The following AKAP19 variants were observed in gnomAD, a reference collection of about 807,000 sequenced individuals.
AKAP19 encodes the protein small A-kinase anchoring protein.
the AKAP19 span, chr2:190,057,415 G>A: frequency 1.2e-6 from 2 of 1,613,468 alleles, no homozygotes; most frequent in Non-Finnish European, 8.5e-7. Context: ...TACCAGATGA[G>A]TATGAGGATA....
At chr2:189,883,950 G>GT in the AKAP19 span, among the ~76,000 whole-genome samples, 7 of 152,070 alleles carry the variant, frequency 4.6e-5, no homozygotes, top group East Asian at 1.9e-4. Flanking sequence ...AAATTAAATA[G>GT]TTTTTTAATT....
the AKAP19 span, among the ~76,000 whole-genome samples, chr2:190,103,190 T>G: frequency 2.6e-5 from 4 of 152,032 alleles, no homozygotes; most frequent in Non-Finnish European, 5.9e-5. Context: ...GGAACATATC[T>G]CAAGATAATA....
At chr2:189,930,314 G>T in the AKAP19 span, 2 of 648,282 alleles carry the variant, frequency 3.1e-6, no homozygotes, top group Non-Finnish European at 4.6e-6. Flanking sequence ...CTCCATGGAG[G>T]AGGGGCACGT....
At chr2:189,937,947 A>G in the AKAP19 span, among the ~76,000 whole-genome samples, 5 of 152,224 alleles carry the variant, frequency 3.3e-5, no homozygotes, top group African/African-American at 1.2e-4. Context: ...TACTGAAGAG[A>G]TACCTGCATT....
At chr2:190,200,155 A>G in the AKAP19 span, 126 of 1,611,750 alleles carry the variant, frequency 7.8e-5, no homozygotes, top group Non-Finnish European at 1.0e-4. Context: ...TTGAGGCTGT[A>G]GGATGACAAC....
chr2:190,096,835 T>C, the AKAP19 span, among the ~76,000 whole-genome samples: 3 of 152,156 alleles, frequency 2.0e-5, no homozygotes, highest in Non-Finnish European at 4.4e-5. Context: ...GTTCCATCTA[T>C]GTCATCTTCT....
At chr2:189,903,790 C>G in the AKAP19 span, among the ~76,000 whole-genome samples, 3 of 151,912 alleles carry the variant, frequency 2.0e-5, no homozygotes, top group Non-Finnish European at 4.4e-5. Flanking sequence ...CATGTTCCCC[C>G]ACTACTTCCC....
the AKAP19 span, among the ~76,000 whole-genome samples, chr2:190,112,893 A>G: frequency 2.6e-5 from 4 of 152,130 alleles, no homozygotes; most frequent in South Asian, 2.1e-4. Context: ...CTAATGGGGA[A>G]CACTGTAAAA....
the AKAP19 span, among the ~76,000 whole-genome samples, chr2:189,944,980 T>G: frequency 6.6e-6 from 1 of 152,132 alleles, no homozygotes; most frequent in African/African-American, 2.4e-5. Flanking sequence ...TTAAACAATA[T>G]GCTCCTAAAT....
chr2:190,065,222 G>A, the AKAP19 span, among the ~76,000 whole-genome samples: 1 of 152,028 alleles, frequency 6.6e-6, no homozygotes, highest in Non-Finnish European at 1.5e-5. Context: ...CGTGCTGCGT[G>A]GTGTTCCTAT....
At chr2:190,125,106 G>A in the AKAP19 span, among the ~76,000 whole-genome samples, 444 of 152,088 alleles carry the variant, frequency 2.9e-3, 2 homozygotes, top group Non-Finnish European at 4.6e-3. Flanking sequence ...TACAATTAAC[G>A]TCTTTTTTTT....
the AKAP19 span, chr2:190,203,410 G>A: frequency 1.2e-5 from 2 of 166,964 alleles, no homozygotes; most frequent in South Asian, 4.2e-4. Flanking sequence ...GCTATGAAGT[G>A]GTATATTTTT....
chr2:190,184,675 A>G, the AKAP19 span, among the ~76,000 whole-genome samples: 2 of 152,162 alleles, frequency 1.3e-5, no homozygotes, highest in Admixed American at 6.5e-5. Context: ...CCTATCCTCA[A>G]AGATAGTACT....
the AKAP19 span, among the ~76,000 whole-genome samples, chr2:190,198,628 T>C: frequency 9.8e-5 from 6 of 61,484 alleles, no homozygotes; most frequent in Non-Finnish European, 5.9e-5. Context: ...TAAGACCCTG[T>C]CTCAAAAAAA....
chr2:189,998,407 A>T, the AKAP19 span, among the ~76,000 whole-genome samples: 10 of 152,208 alleles, frequency 6.6e-5, no homozygotes, highest in Non-Finnish European at 1.3e-4. Flanking sequence ...TTAATGAAAA[A>T]AAAATTTAAT....
the AKAP19 span, chr2:189,930,387 T>C: frequency 2.4e-5 from 9 of 368,314 alleles, no homozygotes; most frequent in East Asian, 7.6e-5. Flanking sequence ...ACGGTAGAAA[T>C]TGAATTGGGG....
chr2:190,109,149 G>T, the AKAP19 span, among the ~76,000 whole-genome samples: 6 of 152,270 alleles, frequency 3.9e-5, no homozygotes, highest in East Asian at 1.2e-3. Flanking sequence ...CATGTTGTAA[G>T]CTATAATTCC....
At chr2:189,963,491 G>A in the AKAP19 span, among the ~76,000 whole-genome samples, 23 of 152,050 alleles carry the variant, frequency 1.5e-4, no homozygotes, top group African/African-American at 4.1e-4. Context: ...CACCGCGCCC[G>A]GCCCAGGCTT....
At chr2:189,895,283 G>A in the AKAP19 span, among the ~76,000 whole-genome samples, 1 of 152,112 alleles carries the variant, frequency 6.6e-6, no homozygotes, top group Non-Finnish European at 1.5e-5. Context: ...TTCTGCACTA[G>A]TATGTAATCC....
Sources: gnomAD v4.1 joint callset for allele counts (sites outside exome capture counted in the v4.1 genomes callset) on GRCh38, gnomAD v4.1.1 for gene constraint, MANE v1.5 for transcripts, NCBI Gene and HGNC (gene_info 2026-07-23, HGNC 2026-07-21) for gene names.